Variants in ATOSA observed in about 807,000 individuals in gnomAD.
The protein encoded by ATOSA is atos homolog protein A.
the ATOSA span, chr15:52,600,110 G>C: frequency 7.1e-7 from 1 of 1,408,234 alleles, no homozygotes; most frequent in Non-Finnish European, 1.0e-6. Flanking sequence ...TTAAAGAACA[G>C]TTTCAAAGCA....
the ATOSA span, among the ~76,000 whole-genome samples, chr15:52,669,170 C>G: frequency 2.6e-5 from 4 of 152,094 alleles, no homozygotes; most frequent in African/African-American, 9.7e-5. Flanking sequence ...ATCCGCCCAC[C>G]TCAGCCTTCC....
chr15:52,620,330 T>C, the ATOSA span, among the ~76,000 whole-genome samples: 3 of 152,216 alleles, frequency 2.0e-5, no homozygotes, highest in African/African-American at 4.8e-5. Context: ...TGAGAATTTA[T>C]TCTTTGTTCT....
At chr15:52,668,419 A>C in the ATOSA span, among the ~76,000 whole-genome samples, 2 of 152,182 alleles carry the variant, frequency 1.3e-5, no homozygotes, top group Non-Finnish European at 2.9e-5. Flanking sequence ...GAAGGAGAGA[A>C]TAGGAAGAGG....
At chr15:52,668,745 A>G in the ATOSA span, among the ~76,000 whole-genome samples, 4 of 152,198 alleles carry the variant, frequency 2.6e-5, no homozygotes, top group African/African-American at 9.7e-5. Flanking sequence ...TGCATTAAAA[A>G]TAGAAAAAAA....
At chr15:52,650,520 T>C in the ATOSA span, among the ~76,000 whole-genome samples, 1 of 152,196 alleles carries the variant, frequency 6.6e-6, no homozygotes, top group Non-Finnish European at 1.5e-5. Flanking sequence ...ATACATAGTA[T>C]TGTTACAAAG....
chr15:52,599,864 C>T, the ATOSA span, among the ~76,000 whole-genome samples: 284 of 152,280 alleles, frequency 1.9e-3, no homozygotes, highest in Admixed American at 3.1e-3. Flanking sequence ...TCTATGCTCC[C>T]GGCTTAAGTA....
chr15:52,613,584 G>C, the ATOSA span: 12 of 1,328,462 alleles, frequency 9.0e-6, no homozygotes, highest in Non-Finnish European at 1.0e-5. Flanking sequence ...ATTGAAATAT[G>C]ACAATTATAA....
the ATOSA span, chr15:52,587,056 C>T: frequency 6.3e-7 from 1 of 1,587,534 alleles, no homozygotes; most frequent in Non-Finnish European, 8.6e-7. Context: ...TGTTACTTAC[C>T]AAAGTTGTTG....
At chr15:52,611,997 T>C in the ATOSA span, among the ~76,000 whole-genome samples, 1 of 152,126 alleles carries the variant, frequency 6.6e-6, no homozygotes, top group African/African-American at 2.4e-5. Flanking sequence ...TTATTTTATT[T>C]TTTTTGCGAC....
chr15:52,672,914 T>A, the ATOSA span, among the ~76,000 whole-genome samples: 1 of 152,180 alleles, frequency 6.6e-6, no homozygotes, highest in Non-Finnish European at 1.5e-5. Flanking sequence ...AGAAGTTGTA[T>A]CAAGCCATTG....
the ATOSA span, chr15:52,581,912 G>T: frequency 5.5e-6 from 2 of 366,816 alleles, no homozygotes; most frequent in East Asian, 8.5e-5. Context: ...CTAACTGGGG[G>T]TTTTGCTATT....
the ATOSA span, among the ~76,000 whole-genome samples, chr15:52,699,905 C>T: frequency 2.6e-5 from 4 of 152,160 alleles, no homozygotes; most frequent in Non-Finnish European, 5.9e-5. Flanking sequence ...TTAGAATTTT[C>T]AGCTCTAAAG....
the ATOSA span, among the ~76,000 whole-genome samples, chr15:52,676,092 T>C: frequency 6.6e-6 from 1 of 152,040 alleles, no homozygotes; most frequent in Non-Finnish European, 1.5e-5. Flanking sequence ...GCTGAGATGG[T>C]TTAAACTAGA....
chr15:52,610,406 T>C, the ATOSA span: 7 of 1,576,500 alleles, frequency 4.4e-6, no homozygotes, highest in East Asian at 9.0e-5. Flanking sequence ...AGAAAAATAC[T>C]GTATTATTGG....
At chr15:52,666,615 C>A in the ATOSA span, among the ~76,000 whole-genome samples, 2 of 152,024 alleles carry the variant, frequency 1.3e-5, no homozygotes, top group Non-Finnish European at 2.9e-5. Context: ...GAATGCATAA[C>A]GTTGTCAAGT....
the ATOSA span, among the ~76,000 whole-genome samples, chr15:52,637,277 G>A: frequency 2.0e-5 from 3 of 152,050 alleles, no homozygotes; most frequent in East Asian, 3.9e-4. Context: ...TCTATGGCAC[G>A]GTGAAGTCAA....
the ATOSA span, among the ~76,000 whole-genome samples, chr15:52,625,416 G>A: frequency 6.6e-6 from 1 of 152,044 alleles, no homozygotes; most frequent in East Asian, 1.9e-4. Context: ...CTCATCTACA[G>A]AACAGTATTT....
chr15:52,630,239 T>G, the ATOSA span, among the ~76,000 whole-genome samples: 1 of 152,198 alleles, frequency 6.6e-6, no homozygotes, highest in Non-Finnish European at 1.5e-5. Flanking sequence ...CCAAGTTGGT[T>G]GTTGAAAGTT....
chr15:52,593,261 G>A, the ATOSA span, among the ~76,000 whole-genome samples: 632 of 152,272 alleles, frequency 4.2e-3, 2 homozygotes, highest in Non-Finnish European at 7.2e-3. Context: ...TAGGACTAGA[G>A]GACACAGTGC....
Sources: gnomAD v4.1 joint callset for allele counts (sites outside exome capture counted in the v4.1 genomes callset) on GRCh38, gnomAD v4.1.1 for gene constraint, MANE v1.5 for transcripts, NCBI Gene and HGNC (gene_info 2026-07-23, HGNC 2026-07-21) for gene names.